Variants in GMDS observed in about 807,000 individuals in gnomAD.
The protein encoded by GMDS is GDP-mannose 4,6 dehydratase.
In GMDS, 20 loss-of-function variants were observed where a neutral mutation model predicts 49.9. The observed-to-expected ratio is 0.40, with a 90% CI of 0.28 to 0.58. The LOEUF (loss-of-function observed/expected upper bound fraction) is 0.58, where lower values mean the gene tolerates loss of function less well. GMDS is among the 20% of genes least tolerant of loss of function. GMDS has a pLI of 0.42. For synonymous variants in GMDS, 177 were observed against 178.6 expected (o/e 0.99, Z 0.07); for missense variants, 362 against 481.4 (o/e 0.75, Z 2.32).
At chr6:1,860,764 G>A (rs2113784344) in intron 7 of GMDS, among the ~76,000 whole-genome samples, 1 of 152,324 alleles carries the variant, frequency 6.6e-6, no homozygotes, top group East Asian at 1.9e-4. Flanking sequence ...GTAGGAACTT[G>A]ATGGGGAAGG....
chr6:2,013,392 C>T (rs573177686), intron 4 of GMDS, among the ~76,000 whole-genome samples: 14 of 151,660 alleles, frequency 9.2e-5, no homozygotes, highest in African/African-American at 3.4e-4. Context: ...GTCCAGCTTT[C>T]AACAAAAAAA....
intron 7 of GMDS, among the ~76,000 whole-genome samples, chr6:1,867,800 T>C (rs893060664): frequency 6.6e-6 from 1 of 152,056 alleles, no homozygotes. Flanking sequence ...AAAGTTAAAA[T>C]TGAGAGGTAA....
intron 7 of GMDS, among the ~76,000 whole-genome samples, chr6:1,785,598 G>A (rs1046054648): frequency 6.6e-6 from 1 of 152,158 alleles, no homozygotes; most frequent in Non-Finnish European, 1.5e-5. Flanking sequence ...TAGATCCCAC[G>A]AGAGCAAGTC....
At chr6:1,707,125 T>C (rs528676969) in intron 9 of GMDS, among the ~76,000 whole-genome samples, 149 of 152,332 alleles carry the variant, frequency 9.8e-4, no homozygotes, top group Non-Finnish European at 1.0e-3. Flanking sequence ...CAAGTTTCAG[T>C]GCCTCTCAAA....
chr6:2,167,640 C>T (rs997512129), intron 1 of GMDS, among the ~76,000 whole-genome samples: 3 of 152,166 alleles, frequency 2.0e-5, no homozygotes, highest in African/African-American at 4.8e-5. Context: ...CACCCTCACA[C>T]GTAATATGCC....
chr6:2,168,345 C>T (rs753129029), intron 1 of GMDS, among the ~76,000 whole-genome samples: 4 of 152,130 alleles, frequency 2.6e-5, no homozygotes, highest in East Asian at 1.9e-4. Flanking sequence ...CAGCTTCATG[C>T]GCACCACTTT....
intron 9 of GMDS, among the ~76,000 whole-genome samples, chr6:1,698,633 G>A (rs541085422): frequency 1.3e-5 from 2 of 152,282 alleles, no homozygotes; most frequent in Admixed American, 1.3e-4. Flanking sequence ...GGTTGGTATT[G>A]AGGTGGAGAC....
chr6:2,226,989 T>C (rs1233084351), intron 1 of GMDS, among the ~76,000 whole-genome samples: 1 of 152,148 alleles, frequency 6.6e-6, no homozygotes, highest in Non-Finnish European at 1.5e-5. Flanking sequence ...TGAAAAGCAG[T>C]GAAGTCAATC....
chr6:2,024,162 C>T (rs1768441576), intron 4 of GMDS, among the ~76,000 whole-genome samples: 1 of 152,034 alleles, frequency 6.6e-6, no homozygotes, highest in Non-Finnish European at 1.5e-5. Flanking sequence ...TTTCATATTG[C>T]CAAGAGAAAA....
chr6:2,240,601 C>CA (rs57052982), intron 1 of GMDS, among the ~76,000 whole-genome samples: 8,873 of 83,708 alleles, frequency 0.11, 726 homozygotes, highest in African/African-American at 0.24. Context: ...AAGACTGTCT[C>CA]AAAAAAAAAA....
chr6:1,818,375 AG>A (rs1367408564), intron 7 of GMDS, among the ~76,000 whole-genome samples: 1 of 152,146 alleles, frequency 6.6e-6, no homozygotes, highest in Non-Finnish European at 1.5e-5. Flanking sequence ...TGGGAGGCCG[AG>A]GCGGGTGGAT....
chr6:2,237,206 A>G (rs78769713), intron 1 of GMDS, among the ~76,000 whole-genome samples: 2,626 of 152,336 alleles, frequency 0.017, 84 homozygotes, highest in African/African-American at 0.059. Flanking sequence ...TCAATGAGTA[A>G]ATTTATATAA....
chr6:1,667,682 G>A (rs1037536225), intron 9 of GMDS, among the ~76,000 whole-genome samples: 8 of 150,338 alleles, frequency 5.3e-5, no homozygotes, highest in African/African-American at 1.9e-4. Context: ...AACATGGAAT[G>A]GGCACTTTTG....
In GMDS at chr6:1,836,869, A is replaced by C. The variant is rs1311383080; in HGVS notation, c.771+93234T>G. Among the ~76,000 whole-genome samples the C allele has an allele frequency of 2.0e-5, 3 of 152,260 alleles. No homozygotes were observed. The highest frequency in any genetic ancestry group is 4.4e-5 in the Non-Finnish European group (3 of 68,046). On this transcript the variant is annotated intron_variant, in intron 7 of 10. Transcript: ENST00000380815. This position sits in a 1 kb window ranked among gnomAD's most constrained non-coding sequence, Gnocchi z 4.2. ...GCTGTCAGGAAAAAGGTAATGAAGAAGAATAGCTTAGACAGAGGGATTTAA... is the reference window on the plus strand; with the variant it reads ...GCTGTCAGGAAAAAGGTAATGAAGACGAATAGCTTAGACAGAGGGATTTAA...
intron 7 of GMDS, among the ~76,000 whole-genome samples, chr6:1,829,047 T>C (rs1363522546): frequency 1.3e-5 from 2 of 152,206 alleles, no homozygotes; most frequent in Admixed American, 6.5e-5. Context: ...AGGAAAATCA[T>C]AAGAAACATA....
chr6:2,230,382 T>C (rs1781032123), intron 1 of GMDS, among the ~76,000 whole-genome samples: 1 of 152,232 alleles, frequency 6.6e-6, no homozygotes, highest in Non-Finnish European at 1.5e-5. Flanking sequence ...ACCTAAGCAG[T>C]AATCTCAGGT....
chr6:2,156,000 A>G (rs554909467), intron 1 of GMDS, among the ~76,000 whole-genome samples: 5 of 152,278 alleles, frequency 3.3e-5, no homozygotes, highest in African/African-American at 1.2e-4. Flanking sequence ...TGTTTTTTAC[A>G]TTTATTAGAC....
chr6:1,648,254 T>C (rs548482626), intron 9 of GMDS, among the ~76,000 whole-genome samples: 92 of 152,308 alleles, frequency 6.0e-4, no homozygotes, highest in Admixed American at 5.2e-3. Flanking sequence ...AGTGTGGTTG[T>C]TCTGTGTGGC....
intron 4 of GMDS, among the ~76,000 whole-genome samples, chr6:2,009,740 C>T (rs990804830): frequency 3.3e-5 from 5 of 152,168 alleles, no homozygotes; most frequent in South Asian, 4.1e-4. Context: ...ATTATTATTA[C>T]AGAATGTGAT....
Sources: allele counts gnomAD v4.1 joint callset (sites outside exome capture counted in the v4.1 genomes callset), GRCh38; gene constraint gnomAD v4.1.1; non-coding constraint Gnocchi (gnomAD v3.1); transcripts MANE v1.5; gene names NCBI Gene and HGNC (gene_info 2026-07-23, HGNC 2026-07-21).